The following CLVS1 variants were observed in gnomAD, a reference collection of about 807,000 sequenced individuals.
The protein encoded by CLVS1 is clavesin-1.
A neutral mutation model predicts 33.1 loss-of-function variants in CLVS1; 10 were observed. That is an observed-to-expected ratio of 0.30 (90% confidence interval 0.19 to 0.51). The LOEUF (loss-of-function observed/expected upper bound fraction) is 0.51. CLVS1 is among the 20% of genes least tolerant of loss of function. The probability of loss-of-function intolerance (pLI) is 0.97; values close to 1 mark genes in which losing one functional copy is unlikely to be tolerated. For synonymous variants in CLVS1, 163 were observed against 166.1 expected (o/e 0.98, Z 0.14); for missense variants, 343 against 433.4 (o/e 0.79, Z 1.85).
At chr8:61,464,251 AAT>A (rs563557474) in intron 5 of CLVS1, among the ~76,000 whole-genome samples, 279 of 152,332 alleles carry the variant, frequency 1.8e-3, no homozygotes, top group African/African-American at 6.5e-3. Context: ...TGCAAAGGGC[AAT>A]GACGTGAAGC....
chr8:60,988,996 G>C, the CLVS1 span, among the ~76,000 whole-genome samples: 1 of 151,234 alleles, frequency 6.6e-6, no homozygotes, highest in East Asian at 2.0e-4. Flanking sequence ...TCCCAAGTAG[G>C]TGAGACTACA....
the CLVS1 span, among the ~76,000 whole-genome samples, chr8:61,027,266 A>G: frequency 6.6e-6 from 1 of 152,214 alleles, no homozygotes; most frequent in African/African-American, 2.4e-5. Context: ...AAGAATGTGC[A>G]TTAAAATGGA....
At chr8:61,294,787 A>G (rs1055174604) in intron 1 of CLVS1, among the ~76,000 whole-genome samples, 1 of 152,224 alleles carries the variant, frequency 6.6e-6, no homozygotes, top group African/African-American at 2.4e-5. Flanking sequence ...TGAGAATAAT[A>G]GATCATAAAA....
At chr8:61,117,865 A>G (rs912196527) in intron 1 of CLVS1, among the ~76,000 whole-genome samples, 25 of 145,144 alleles carry the variant, frequency 1.7e-4, no homozygotes, top group Admixed American at 3.7e-4. Flanking sequence ...TGGCTTTGGT[A>G]TCAGAATGAT....
At chr8:61,287,863 A>G (rs1433113284), upstream of CLVS1, 3 of 336,918 alleles carry the variant, frequency 8.9e-6, no homozygotes, top group African/African-American at 2.2e-5. Context: ...ATTACAAATA[A>G]TTATTGGTAC....
rs553844012 is a variant in CLVS1 at position 61,422,020 on chromosome 8, A to AT, written c.631-32117dup. Among the ~76,000 whole-genome samples, 541 of 151,748 alleles carry AT rather than the reference A, an allele frequency of 3.6e-3. 3 individuals are homozygous for AT. The highest frequency in any genetic ancestry group is 0.012 in the African/African-American group (494 of 41,376). On this transcript the variant is annotated intron_variant, in intron 3 of 5. Transcript: ENST00000325897. ...GAAACTGTTCAAATAATCAAAGAAG[A>AT]TTTTCTTGCTTGGAAAATAGTGTGA... is the stretch of plus-strand genomic sequence containing the variant.
chr8:61,272,788 G>T (rs549518721), intron 2 of CLVS1, among the ~76,000 whole-genome samples: 108 of 152,128 alleles, frequency 7.1e-4, no homozygotes, highest in African/African-American at 2.6e-3. Flanking sequence ...GATCACATCG[G>T]CTCCTGAGGC....
chr8:61,085,333 T>C (rs762003102), intron 1 of CLVS1, among the ~76,000 whole-genome samples: 1 of 152,124 alleles, frequency 6.6e-6, no homozygotes, highest in Non-Finnish European at 1.5e-5. Context: ...TGTAAGTAGG[T>C]CTATGGCATG....
intron 1 of CLVS1, among the ~76,000 whole-genome samples, chr8:61,082,274 A>T (rs1361688288): frequency 1.3e-5 from 2 of 152,224 alleles, no homozygotes; most frequent in African/African-American, 4.8e-5. Context: ...AAAGATTTAA[A>T]AAGGCACAGT....
intron 2 of CLVS1, among the ~76,000 whole-genome samples, chr8:61,136,880 G>C (rs1357727635): frequency 6.6e-6 from 1 of 152,104 alleles, no homozygotes; most frequent in African/African-American, 2.4e-5. Flanking sequence ...TGTGAGTTCT[G>C]GTTTCTTTTC....
intron 2 of CLVS1, among the ~76,000 whole-genome samples, chr8:61,177,156 G>T (rs551718098): frequency 2.0e-5 from 3 of 152,308 alleles, no homozygotes; most frequent in South Asian, 4.1e-4. Flanking sequence ...TGGAGCCAAG[G>T]ATAATGGACC....
chr8:61,051,249 G>A, the CLVS1 span, among the ~76,000 whole-genome samples: 1 of 152,242 alleles, frequency 6.6e-6, no homozygotes, highest in African/African-American at 2.4e-5. Flanking sequence ...TACCCTGCAT[G>A]GCTGTTGCCA....
intron 2 of CLVS1, among the ~76,000 whole-genome samples, chr8:61,359,970 A>T (rs1585857718): frequency 1.3e-5 from 2 of 152,172 alleles, no homozygotes. Context: ...AGCACCTGCT[A>T]TCGGCATGGC....
intron 2 of CLVS1, among the ~76,000 whole-genome samples, chr8:61,276,997 A>C (rs1489162862): frequency 2.0e-5 from 3 of 152,208 alleles, no homozygotes; most frequent in Non-Finnish European, 2.9e-5. Flanking sequence ...CTTGATGTTT[A>C]GGAGAGCTGT....
At chr8:61,354,326 G>A (rs900961693) in intron 2 of CLVS1, among the ~76,000 whole-genome samples, 1 of 151,948 alleles carries the variant, frequency 6.6e-6, no homozygotes, top group Non-Finnish European at 1.5e-5. Context: ...AACTGTTGTT[G>A]AGGATATAAG....
intron 2 of CLVS1, among the ~76,000 whole-genome samples, chr8:61,154,937 T>C (rs560549704): frequency 5.9e-5 from 9 of 152,314 alleles, no homozygotes; most frequent in African/African-American, 2.2e-4. Flanking sequence ...ATGCTAATTA[T>C]TCTCACATCC....
intron 1 of CLVS1, among the ~76,000 whole-genome samples, chr8:61,079,677 G>C (rs1389173921): frequency 6.6e-6 from 1 of 152,118 alleles, no homozygotes; most frequent in Non-Finnish European, 1.5e-5. Context: ...TTATTTGTTT[G>C]AGTTACAAAA....
intron 1 of CLVS1, among the ~76,000 whole-genome samples, chr8:61,060,895 C>T (rs1345498337): frequency 6.6e-6 from 1 of 152,130 alleles, no homozygotes; most frequent in East Asian, 1.9e-4. Context: ...AACTCTGCTG[C>T]CTTTCATGGG....
intron 2 of CLVS1, among the ~76,000 whole-genome samples, chr8:61,205,270 A>G (rs1373424651): frequency 6.6e-6 from 1 of 152,084 alleles, no homozygotes; most frequent in Non-Finnish European, 1.5e-5. Flanking sequence ...TTCCAAATTG[A>G]CATTCTGTAC....
Sources: allele counts gnomAD v4.1 joint callset (sites outside exome capture counted in the v4.1 genomes callset), GRCh38; gene constraint gnomAD v4.1.1; transcripts MANE v1.5; gene names NCBI Gene and HGNC (gene_info 2026-07-23, HGNC 2026-07-21).